Variants in ZNF385B observed in about 807,000 individuals in gnomAD.
ZNF385B encodes the protein zinc finger protein 385B.
A neutral mutation model predicts 39.2 loss-of-function variants in ZNF385B; 23 were observed. The ratio of observed to expected loss-of-function variants is 0.59; its 90% CI spans 0.42 to 0.83. The LOEUF is 0.83. Among genes scored for constraint, ZNF385B ranks in the 40% least tolerant of loss-of-function variants. The pLI is 0.00. For missense variants in ZNF385B, 552 were observed against 598.9 expected, an observed-to-expected ratio of 0.92 and a Z score of 0.82; for synonymous variants, 205 against 222.6, an observed-to-expected ratio of 0.92 and a Z score of 0.70.
intron 5 of ZNF385B, among the ~76,000 whole-genome samples, chr2:179,504,002 A>C (rs1418378918): frequency 6.7e-6 from 1 of 148,402 alleles, no homozygotes; most frequent in Admixed American, 6.7e-5. Flanking sequence ...CATTAGGTAT[A>C]TCTCCCAGTG....
intron 3 of ZNF385B, among the ~76,000 whole-genome samples, chr2:179,573,838 A>C (rs151279588): frequency 3.2e-4 from 49 of 152,296 alleles, no homozygotes; most frequent in African/African-American, 1.1e-3. Flanking sequence ...CTTTGGATAA[A>C]GTCTTAATTT....
rs145649062 is a variant in ZNF385B at position 179,481,911 on chromosome 2, C to T, written c.715+1361G>A. Among the ~76,000 whole-genome samples, 121 of 152,180 alleles carry T rather than the reference C, an allele frequency of 8.0e-4. 1 individual carries two copies. The highest frequency in any genetic ancestry group is 2.8e-3 in the African/African-American group (118 of 41,522). ...ATAGAGATAATATTTGATATTATAC[C>T]TGATAGATATTGATTAAAGACTAAT... On this transcript the variant is annotated intron_variant, in intron 6 of 9. Transcript: ENST00000410066.
At chr2:179,522,566 A>C (rs902055814) in intron 4 of ZNF385B, among the ~76,000 whole-genome samples, 12 of 152,180 alleles carry the variant, frequency 7.9e-5, no homozygotes, top group African/African-American at 2.9e-4. Context: ...TAGACTACTC[A>C]AAAATTACTG....
rs151032676 is a variant in ZNF385B at position 179,660,765 on chromosome 2, A to G, written c.298+108738T>C. On this transcript the variant is annotated intron_variant, in intron 3 of 9. Transcript: ENST00000410066. ...ACAGTTACAGGCATGTGTATTAACA[A>G]TTTTTAAAAAAGAAAATTTGTCTGG... Among the ~76,000 whole-genome samples, 816 of 152,296 alleles carry G rather than the reference A, an allele frequency of 5.4e-3. 5 individuals carry two copies. Among genetic ancestry groups the G allele is most frequent in the African/African-American group, 0.019 (773 of 41,556 alleles).
intron 1 of ZNF385B, chr2:179,802,400 A>C (rs916639888): frequency 6.6e-6 from 1 of 152,014 alleles, no homozygotes; most frequent in African/African-American, 2.4e-5. Context: ...CCCCCTCTCA[A>C]ATTCACATTC....
intron 1 of ZNF385B, among the ~76,000 whole-genome samples, chr2:179,856,362 C>T (rs1684595120): frequency 6.6e-6 from 1 of 151,976 alleles, no homozygotes; most frequent in African/African-American, 2.4e-5. Context: ...TTCTGCCCCA[C>T]GTGCAGATCC....
At chr2:179,631,870 A>AC (rs745633375) in intron 3 of ZNF385B, among the ~76,000 whole-genome samples, 13 of 151,990 alleles carry the variant, frequency 8.6e-5, no homozygotes, top group Non-Finnish European at 1.6e-4. Context: ...AAACAAACAA[A>AC]AAAAACAAAC....
At chr2:179,608,938 T>A (rs943804418) in intron 3 of ZNF385B, among the ~76,000 whole-genome samples, 1 of 151,422 alleles carries the variant, frequency 6.6e-6, no homozygotes, top group African/African-American at 2.4e-5. Flanking sequence ...TTAAAAAAAA[T>A]TTTTATGAGT....
intron 6 of ZNF385B, among the ~76,000 whole-genome samples, chr2:179,458,226 G>C (rs2050915493): frequency 6.6e-6 from 1 of 152,134 alleles, no homozygotes; most frequent in Admixed American, 6.5e-5. Flanking sequence ...AATCACGTGG[G>C]CAGGTCTTTC....
intron 3 of ZNF385B, among the ~76,000 whole-genome samples, chr2:179,700,384 T>C (rs1432525302): frequency 1.1e-4 from 16 of 152,200 alleles, no homozygotes; most frequent in Admixed American, 1.0e-3. Context: ...ATATACCATA[T>C]TCATTCACTC....
At chr2:179,796,065 G>T (rs1705643033) in intron 1 of ZNF385B, 1 of 152,066 alleles carries the variant, frequency 6.6e-6, no homozygotes, top group South Asian at 2.1e-4. Flanking sequence ...CACAAAAAAA[G>T]GTGGGGAAAC....
At chr2:179,642,596 A>C (rs1692367209) in intron 3 of ZNF385B, among the ~76,000 whole-genome samples, 4 of 152,166 alleles carry the variant, frequency 2.6e-5, no homozygotes. Flanking sequence ...GAAGTTCTTC[A>C]AAGAGAAAAC....
intron 6 of ZNF385B, among the ~76,000 whole-genome samples, chr2:179,455,231 C>T (rs1559249214): frequency 6.6e-6 from 1 of 151,498 alleles, no homozygotes; most frequent in Non-Finnish European, 1.5e-5. Flanking sequence ...GTACAGTAAC[C>T]TGTTATATAG....
chr2:179,600,816 T>G (rs1295322566), intron 3 of ZNF385B, among the ~76,000 whole-genome samples: 1 of 152,164 alleles, frequency 6.6e-6, no homozygotes, highest in African/African-American at 2.4e-5. Flanking sequence ...TCTTCCTCCA[T>G]TACAGAGTGC....
chr2:179,762,235 G>C (rs937197402), intron 3 of ZNF385B, among the ~76,000 whole-genome samples: 20 of 151,974 alleles, frequency 1.3e-4, no homozygotes, highest in Admixed American at 5.9e-4. Flanking sequence ...TGTTGCCCAG[G>C]CTGGAGTGCA....
intron 5 of ZNF385B, among the ~76,000 whole-genome samples, chr2:179,486,982 G>A (rs1436399897): frequency 1.3e-5 from 2 of 152,118 alleles, no homozygotes; most frequent in Non-Finnish European, 1.5e-5. Flanking sequence ...TTTCTACAAC[G>A]TATCATAAGA....
At chr2:179,579,429 T>C (rs1260618721) in intron 3 of ZNF385B, among the ~76,000 whole-genome samples, 2 of 152,084 alleles carry the variant, frequency 1.3e-5, no homozygotes, top group African/African-American at 4.8e-5. Context: ...CAAAGTTAGA[T>C]AACTAAAAAA....
intron 3 of ZNF385B, among the ~76,000 whole-genome samples, chr2:179,573,866 C>T (rs1031969116): frequency 6.6e-6 from 1 of 152,030 alleles, no homozygotes; most frequent in Non-Finnish European, 1.5e-5. Flanking sequence ...ATTTCAGTCT[C>T]TGTGAATACG....
At chr2:179,457,587 TG>T (rs2050837560) in intron 6 of ZNF385B, among the ~76,000 whole-genome samples, 1 of 152,122 alleles carries the variant, frequency 6.6e-6, no homozygotes, top group Admixed American at 6.6e-5. Flanking sequence ...AGTGGAGGTG[TG>T]GTGGTATCTT....
Sources: allele counts gnomAD v4.1 joint callset (sites outside exome capture counted in the v4.1 genomes callset), GRCh38; gene constraint gnomAD v4.1.1; transcripts MANE v1.5; gene names NCBI Gene and HGNC (gene_info 2026-07-23, HGNC 2026-07-21).